CASR: variants seen among roughly 807,000 people sequenced by gnomAD.
The protein encoded by CASR is extracellular calcium-sensing receptor.
CASR carries 23 observed loss-of-function variants against 69.1 expected under a neutral mutation model. That is an observed-to-expected ratio of 0.33 (90% CI 0.24 to 0.47). The LOEUF (loss-of-function observed/expected upper bound fraction) is 0.47. Ranked by LOEUF, CASR falls within the 20% of genes least tolerant of loss-of-function variation. CASR has a pLI of 1.00. For missense variants in CASR, 924 were observed against 1,356.1 expected (o/e 0.68, Z 5.00); for synonymous variants, 541 against 544.7 (o/e 0.99, Z 0.10).
chr3:122,218,821 T>A (rs2074143535), intron 1 of CASR, among the ~76,000 whole-genome samples: 1 of 152,204 alleles, frequency 6.6e-6, no homozygotes, highest in Admixed American at 6.5e-5. Context: ...TTGCAAATTA[T>A]AATTACATAT....
chr3:122,187,138 A>G (rs1020206495), intron 1 of CASR, among the ~76,000 whole-genome samples: 1 of 152,212 alleles, frequency 6.6e-6, no homozygotes, highest in Non-Finnish European at 1.5e-5. Flanking sequence ...CCCTGATACC[A>G]AATGTGGTTT....
intron 4 of CASR, among the ~76,000 whole-genome samples, chr3:122,269,756 A>T (rs2074736663): frequency 6.6e-6 from 1 of 152,068 alleles, no homozygotes; most frequent in South Asian, 2.1e-4. Flanking sequence ...GTTCTGTAAG[A>T]CTTTTGTAGA....
At chr3:122,212,323 C>T (rs183787057) in intron 1 of CASR, among the ~76,000 whole-genome samples, 12 of 152,260 alleles carry the variant, frequency 7.9e-5, no homozygotes, top group South Asian at 2.1e-4. Context: ...AACCCAAACA[C>T]GGTATGTTCT....
chr3:122,236,765 A>G (rs1344213856), intron 1 of CASR, among the ~76,000 whole-genome samples: 1 of 152,214 alleles, frequency 6.6e-6, no homozygotes, highest in East Asian at 1.9e-4. Context: ...AACATGCTCT[A>G]AAAAATGACA....
chr3:122,195,333 C>T (rs893194558), intron 1 of CASR, among the ~76,000 whole-genome samples: 2 of 152,196 alleles, frequency 1.3e-5, no homozygotes, highest in Non-Finnish European at 2.9e-5. Flanking sequence ...GTTCATGTAG[C>T]TACACTGCTA....
chr3:122,267,901 C>T (rs978207780), intron 4 of CASR, among the ~76,000 whole-genome samples: 9 of 152,214 alleles, frequency 5.9e-5, no homozygotes, highest in African/African-American at 1.9e-4. Context: ...ACAAGCATTA[C>T]ACATCTCTAC....
At position 122,286,523 on chromosome 3, in the gene CASR, CCTTA is replaced by C. The variant is rs543043267; in HGVS notation, c.*1336_*1339del. ...CTGATACTGTAATAATTATTTTTTC[CCTTA>C]CTTCAAATACAAAACAAAACATACA... On this transcript the variant is annotated 3_prime_UTR_variant, in exon 7 of 7. Transcript: ENST00000639785. The C allele has an allele frequency of 7.9e-5, 12 of 152,084 alleles. No homozygotes were observed. The highest frequency in any genetic ancestry group is 1.9e-4 in the East Asian group (1 of 5,178). 9.4% of individuals were successfully genotyped at this position (152,084 alleles called of 1,614,324 possible). A position where few individuals can be genotyped will look rare whatever the true frequency, so the allele number is the denominator to read the frequency against.
chr3:122,199,657 C>T (rs534896234), intron 1 of CASR, among the ~76,000 whole-genome samples: 4 of 151,820 alleles, frequency 2.6e-5, no homozygotes, highest in South Asian at 2.1e-4. Flanking sequence ...TAAAAAAACA[C>T]ATATATTACC....
At chr3:122,235,658 G>A (rs1013901724) in intron 1 of CASR, among the ~76,000 whole-genome samples, 6 of 152,184 alleles carry the variant, frequency 3.9e-5, no homozygotes, top group Admixed American at 2.0e-4. Flanking sequence ...ATAGCCTGGG[G>A]TAGTGGCATG....
chr3:122,250,721 A>C (rs1006354392), intron 1 of CASR, among the ~76,000 whole-genome samples: 1 of 152,240 alleles, frequency 6.6e-6, no homozygotes, highest in African/African-American at 2.4e-5. Context: ...GTCTCCTTCC[A>C]AAGTACTTTC....
intron 1 of CASR, among the ~76,000 whole-genome samples, chr3:122,199,197 G>T (rs1404619749): frequency 6.6e-6 from 1 of 152,218 alleles, no homozygotes; most frequent in African/African-American, 2.4e-5. Context: ...GCAGCTGCCT[G>T]CAGGGTACAC....
intron 3 of CASR, 108 bp from the exon 4 acceptor site, chr3:122,261,420 T>G: frequency 1.1e-6 from 1 of 933,186 alleles, no homozygotes; most frequent in East Asian, 2.4e-5. Flanking sequence ...AGTTGATAAA[T>G]GAGACCAAGG....
rs377212258 is a variant in CASR at position 122,252,454 on chromosome 3, GA to G, written c.-242-1490del. Among the ~76,000 whole-genome samples, 321 of 44,866 alleles carry G rather than the reference GA, an allele frequency of 7.2e-3. 8 individuals carry two copies. Among genetic ancestry groups the G allele is most frequent in the Middle Eastern group, 0.03 (2 of 66 alleles). 29.4% of individuals were successfully genotyped at this position (44,866 alleles called of 152,430 possible). On this transcript the variant is annotated intron_variant, in intron 1 of 6. Transcript: ENST00000639785. ...GAAAGAAAGAAAGAAAGAAAAAAAA[GA>G]AAAGAAAGAAAAGAAAAGAAGGGAG...
In CASR at chr3:122,284,163, G is replaced by T. The variant is rs200318708; in HGVS notation, c.2209G>T (p.Val737Phe). ...LVFLCTFMQI[V>F]ICVIWLYTAP... is the part of the protein sequence containing the mutation. ...TTTCCTCTGCACCTTCATGCAGATT[G>T]TCATCTGTGTGATCTGGCTCTACAC... Residue 737 changes from valine to phenylalanine, a missense_variant, in exon 7 of 7, where the codon GTC (valine) becomes TTC (phenylalanine). Coordinates refer to ENST00000639785, the MANE Select transcript of CASR (RefSeq NM_000388.4). The T allele has an allele frequency of 6.2e-7, 1 of 1,613,374 alleles. No individual in the cohort carries two copies. Among genetic ancestry groups the T allele is most frequent in the African/African-American group, 1.3e-5 (1 of 74,910 alleles).
At chr3:122,282,277 A>C (rs764894871) in intron 6 of CASR, 41 bp downstream of exon 6, 3 of 1,606,116 alleles carry the variant, frequency 1.9e-6, no homozygotes, top group Non-Finnish European at 2.6e-6. Flanking sequence ...GGCTTGGTCC[A>C]CTTCGGAGGC....
intron 5 of CASR, among the ~76,000 whole-genome samples, chr3:122,280,536 G>A (rs1318334702): frequency 6.6e-6 from 1 of 152,192 alleles, no homozygotes; most frequent in Admixed American, 6.5e-5. Flanking sequence ...CATCTCTGAG[G>A]ATACCTTGTC....
At chr3:122,241,722 C>A (rs188557310) in intron 1 of CASR, among the ~76,000 whole-genome samples, 117 of 151,396 alleles carry the variant, frequency 7.7e-4, no homozygotes, top group African/African-American at 2.5e-3. Context: ...GACACACACA[C>A]AAAAAAAAGA....
At chr3:122,251,505 C>G (rs1001595877) in intron 1 of CASR, among the ~76,000 whole-genome samples, 1 of 152,194 alleles carries the variant, frequency 6.6e-6, no homozygotes, top group Non-Finnish European at 1.5e-5. Flanking sequence ...CTCATTCACC[C>G]GAAGGCCTAC....
rs1559954421 is a variant in CASR at position 122,252,449 on chromosome 3, A to AAAGAAAGAAAGAAAGAAAG, written c.-242-1497_-242-1496insGAAAGAAAGAAAGAAAGAA. Among the ~76,000 whole-genome samples, 93 of 54,544 alleles carry AAAGAAAGAAAGAAAGAAAG rather than the reference A, an allele frequency of 1.7e-3. 5 individuals carry two copies. The highest frequency in any genetic ancestry group is 5.2e-3 in the Admixed American group (25 of 4,848). 35.8% of individuals were successfully genotyped at this position (54,544 alleles called of 152,430 possible). ...AGAAAGAAAGAAAGAAAGAAAGAAA[A>AAAGAAAGAAAGAAAGAAAG]AAAAGAAAAGAAAGAAAAGAAAAGA... On this transcript the variant is annotated intron_variant, in intron 1 of 6. Transcript: ENST00000639785.
Sources: allele counts gnomAD v4.1 joint callset (sites outside exome capture counted in the v4.1 genomes callset), GRCh38; gene constraint gnomAD v4.1.1; transcripts MANE v1.5; gene names NCBI Gene and HGNC (gene_info 2026-07-23, HGNC 2026-07-21).